The following CSMD1 variants were observed in gnomAD, a reference collection of about 807,000 sequenced individuals.
CSMD1 encodes CUB and Sushi multiple domains 1.
CSMD1 carries 213 observed loss-of-function variants against 417.5 expected under a neutral mutation model. The observed-to-expected ratio is 0.51, with a 90% CI of 0.46 to 0.57. The LOEUF is 0.57. Among genes scored for constraint, CSMD1 ranks in the 20% least tolerant of loss-of-function variants. The pLI, the probability that CSMD1 is intolerant of heterozygous loss-of-function variation, is 0.00. For synonymous variants in CSMD1, 2,862 were observed against 1,736.8 expected, an observed-to-expected ratio of 1.65 and a Z score of -16.11; for missense variants, 6,923 against 4,529.7, an observed-to-expected ratio of 1.53 and a Z score of -15.17.
At chr8:4,041,937 G>C (rs946294242) in intron 3 of CSMD1, among the ~76,000 whole-genome samples, 1 of 152,042 alleles carries the variant, frequency 6.6e-6, no homozygotes, top group Non-Finnish European at 1.5e-5. Context: ...TGTAGAGATA[G>C]CAAGATAAAG....
At chr8:4,072,609 C>T (rs1019186860) in intron 3 of CSMD1, among the ~76,000 whole-genome samples, 1 of 152,076 alleles carries the variant, frequency 6.6e-6, no homozygotes, top group Non-Finnish European at 1.5e-5. Flanking sequence ...TTTGTGTTTT[C>T]TGTGTTTATG....
chr8:4,665,179 C>T (rs1263923774), intron 1 of CSMD1, among the ~76,000 whole-genome samples: 1 of 152,086 alleles, frequency 6.6e-6, no homozygotes. Flanking sequence ...TTCTGTTTGT[C>T]CATTTGCCAA....
chr8:4,422,356 C>T (rs1302492442), intron 2 of CSMD1, among the ~76,000 whole-genome samples: 1 of 151,994 alleles, frequency 6.6e-6, no homozygotes, highest in Non-Finnish European at 1.5e-5. Flanking sequence ...ATACTGAAGC[C>T]CCAACCCCCA....
chr8:3,316,793 A>C (rs866348825), intron 23 of CSMD1, among the ~76,000 whole-genome samples: 1 of 152,186 alleles, frequency 6.6e-6, no homozygotes, highest in African/African-American at 2.4e-5. Flanking sequence ...CTCAGCGTGC[A>C]GTGGGGGGAA....
intron 5 of CSMD1, among the ~76,000 whole-genome samples, chr8:3,874,183 T>C (rs1805664231): frequency 6.6e-6 from 1 of 152,194 alleles, no homozygotes; most frequent in Admixed American, 6.5e-5. Flanking sequence ...AATTATCTAG[T>C]GTTCCACAGC....
chr8:4,325,290 A>G (rs1419049747), intron 3 of CSMD1, among the ~76,000 whole-genome samples: 2 of 152,164 alleles, frequency 1.3e-5, no homozygotes, highest in Non-Finnish European at 2.9e-5. Flanking sequence ...CAAGTATTCC[A>G]TTAATTAAAT....
At chr8:4,650,289 G>T (rs1438201402) in intron 1 of CSMD1, among the ~76,000 whole-genome samples, 2 of 145,972 alleles carry the variant, frequency 1.4e-5, no homozygotes, top group African/African-American at 5.1e-5. Context: ...AGCTTGCAGT[G>T]AGCCTAGATG....
intron 1 of CSMD1, among the ~76,000 whole-genome samples, chr8:4,795,347 C>A (rs1022913204): frequency 7.2e-6 from 1 of 139,318 alleles, no homozygotes; most frequent in Non-Finnish European, 1.5e-5. Context: ...TCTTGGCTCA[C>A]TGCAAGCTCC....
intron 2 of CSMD1, among the ~76,000 whole-genome samples, chr8:4,447,314 A>C (rs1798873772): frequency 6.6e-6 from 1 of 152,200 alleles, no homozygotes; most frequent in African/African-American, 2.4e-5. Context: ...TTATTATTAC[A>C]ATGAATTATC....
chr8:3,222,515 T>G (rs981511999), intron 28 of CSMD1, among the ~76,000 whole-genome samples: 2 of 152,094 alleles, frequency 1.3e-5, no homozygotes, highest in Non-Finnish European at 2.9e-5. Flanking sequence ...CTTGCTGTGT[T>G]GCCCAGGCTG....
rs565411796 is a variant in CSMD1 at position 4,819,141 on chromosome 8, C to A, written c.85+175191G>T. On this transcript the variant is annotated intron_variant, in intron 1 of 69. Coordinates refer to ENST00000635120, the MANE Select transcript of CSMD1 (RefSeq NM_033225.6). ...CAACAGCAGCAGGCAGCTCATGCGT[C>A]CTTCTGCTCTACTGGTGTCCTTCCA... 2.6e-5 allele frequency among the ~76,000 whole-genome samples: 4 copies of A among 152,318 alleles called. No individual in the cohort carries two copies. In the South Asian group the frequency reaches 8.3e-4, roughly 32 times the overall value.
At chr8:3,228,267 T>A (rs77519191) in intron 27 of CSMD1, among the ~76,000 whole-genome samples, 1 of 152,204 alleles carries the variant, frequency 6.6e-6, no homozygotes, top group Non-Finnish European at 1.5e-5. Context: ...GTGTTTTGAA[T>A]CTTTGAAACA....
intron 5 of CSMD1, among the ~76,000 whole-genome samples, chr8:3,912,777 C>A (rs757716291): frequency 6.6e-6 from 1 of 152,124 alleles, no homozygotes; most frequent in Non-Finnish European, 1.5e-5. Context: ...CAAGGTCACA[C>A]GAAGGCATGC....
chr8:3,799,750 A>G (rs1800358840), intron 5 of CSMD1, among the ~76,000 whole-genome samples: 1 of 152,070 alleles, frequency 6.6e-6, no homozygotes, highest in Non-Finnish European at 1.5e-5. Context: ...TAAGCTGTAC[A>G]AAACTTTACT....
intron 3 of CSMD1, among the ~76,000 whole-genome samples, chr8:4,121,479 ACTTTC>A (rs1802484179): frequency 6.6e-6 from 1 of 152,188 alleles, no homozygotes; most frequent in African/African-American, 2.4e-5. Context: ...GCTTCTAGTT[ACTTTC>A]CTATTTCTCA....
intron 22 of CSMD1, among the ~76,000 whole-genome samples, chr8:3,347,155 GGGCCGCATGT>G (rs1808063995): frequency 6.6e-6 from 1 of 152,238 alleles, no homozygotes; most frequent in Non-Finnish European, 1.5e-5. Flanking sequence ...AAGCTGTGCT[GGGCCGCATGT>G]GGCCTGTGGG....
At chr8:3,714,483 G>A (rs1040535119) in intron 6 of CSMD1, among the ~76,000 whole-genome samples, 4 of 148,958 alleles carry the variant, frequency 2.7e-5, no homozygotes, top group Non-Finnish European at 5.9e-5. Context: ...AGCACTTTGG[G>A]AGGCTGAGAC....
intron 5 of CSMD1, among the ~76,000 whole-genome samples, chr8:3,825,791 G>C (rs1018940542): frequency 1.4e-4 from 21 of 152,130 alleles, no homozygotes; most frequent in African/African-American, 5.1e-4. Flanking sequence ...TTCAGGCTTA[G>C]TCCAGATGAT....
intron 5 of CSMD1, among the ~76,000 whole-genome samples, chr8:3,889,530 T>C (rs111254436): frequency 0.037 from 4,369 of 117,934 alleles, 174 homozygotes; most frequent in African/African-American, 0.062. Context: ...TACATATATA[T>C]ACATACACAC....
Sources: allele counts gnomAD v4.1 joint callset (sites outside exome capture counted in the v4.1 genomes callset), GRCh38; gene constraint gnomAD v4.1.1; transcripts MANE v1.5; gene names NCBI Gene and HGNC (gene_info 2026-07-23, HGNC 2026-07-21).